The following XIRP2 variants were observed in gnomAD, a reference collection of about 807,000 sequenced individuals.
The protein encoded by XIRP2 is xin actin-binding repeat-containing protein 2.
XIRP2 carries 236 observed loss-of-function variants against 277.0 expected under a neutral mutation model. The observed-to-expected ratio is 0.85, with a 90% CI of 0.77 to 0.95. The LOEUF (loss-of-function observed/expected upper bound fraction) is 0.95, where lower values mean the gene tolerates loss of function less well. Among genes scored for constraint, XIRP2 ranks in the 40% least tolerant of loss-of-function variants. The pLI, the probability that XIRP2 is intolerant of heterozygous loss-of-function variation, is 0.00. For synonymous variants in XIRP2, 1,490 were observed against 1,416.5 expected (o/e 1.05, Z -1.17); for missense variants, 4,640 against 4,157.5 (o/e 1.12, Z -3.19).
chr2:167,093,086 C>A (rs1334761011), intron 2 of XIRP2, among the ~76,000 whole-genome samples: 1 of 151,794 alleles, frequency 6.6e-6, no homozygotes, highest in Non-Finnish European at 1.5e-5. Flanking sequence ...TAACTTGTGC[C>A]AAAAGTTTCA....
intron 3 of XIRP2, among the ~76,000 whole-genome samples, chr2:167,163,584 C>A (rs1046574941): frequency 6.6e-6 from 1 of 152,128 alleles, no homozygotes; most frequent in Non-Finnish European, 1.5e-5. Context: ...TTATGCGCTG[C>A]AAATATTTCT....
intron 2 of XIRP2, among the ~76,000 whole-genome samples, chr2:166,976,033 G>T (rs1686709449): frequency 1.4e-5 from 2 of 139,102 alleles, no homozygotes; most frequent in South Asian, 4.8e-4. Flanking sequence ...CACTATTGTT[G>T]TAGACAAAGC....
intron 2 of XIRP2, among the ~76,000 whole-genome samples, chr2:167,016,816 T>C (rs1392330324): frequency 6.6e-6 from 1 of 151,908 alleles, no homozygotes; most frequent in East Asian, 1.9e-4. Flanking sequence ...CAAGCAAATT[T>C]TTACCAAGCT....
intron 2 of XIRP2, among the ~76,000 whole-genome samples, chr2:167,034,117 A>G (rs922647187): frequency 2.6e-5 from 4 of 152,192 alleles, no homozygotes; most frequent in African/African-American, 9.6e-5. Flanking sequence ...TAGAAACCAT[A>G]AAAAGTTAAA....
intron 3 of XIRP2, among the ~76,000 whole-genome samples, chr2:167,188,199 C>T (rs1693220221): frequency 6.6e-6 from 1 of 152,060 alleles, no homozygotes; most frequent in African/African-American, 2.4e-5. Flanking sequence ...GATATCATGC[C>T]CTATATACTG....
At chr2:166,892,365 CAG>C (rs1461461653) in intron 1 of XIRP2, among the ~76,000 whole-genome samples, 1 of 152,070 alleles carries the variant, frequency 6.6e-6, no homozygotes, top group Non-Finnish European at 1.5e-5. Flanking sequence ...TGTTGGGAAA[CAG>C]AGCAGGTAGA....
In XIRP2 at chr2:167,021,574, T is replaced by G. The variant is rs550331219; in HGVS notation, c.409-114335T>G. On this transcript the variant is annotated intron_variant, in intron 2 of 10. Coordinates refer to ENST00000409195, the MANE Select transcript of XIRP2 (RefSeq NM_152381.6). ...TTTCTTTAAAAGATTTACAGCTATCTGCAGTGGCTGATGTCTGGAATCCCA... is the reference window on the plus strand; with the variant it reads ...TTTCTTTAAAAGATTTACAGCTATCGGCAGTGGCTGATGTCTGGAATCCCA... 2.0e-4 allele frequency among the ~76,000 whole-genome samples: 30 copies of G among 152,180 alleles called. No individual in the cohort carries two copies. The South Asian group carries it at 2.5e-3, about 13-fold the overall frequency.
chr2:166,963,000 G>C (rs1686336738), intron 2 of XIRP2, among the ~76,000 whole-genome samples: 1 of 151,540 alleles, frequency 6.6e-6, no homozygotes, highest in Non-Finnish European at 1.5e-5. Flanking sequence ...ATAGCTAGGA[G>C]GAGGATATTG....
intron 5 of XIRP2, among the ~76,000 whole-genome samples, chr2:167,220,389 T>C (rs1362758730): frequency 6.6e-6 from 1 of 152,162 alleles, no homozygotes; most frequent in African/African-American, 2.4e-5. Flanking sequence ...ATAAAGTCAA[T>C]AGTATGACAG....
At chr2:167,005,654 G>A (rs968470652) in intron 2 of XIRP2, among the ~76,000 whole-genome samples, 2 of 151,732 alleles carry the variant, frequency 1.3e-5, no homozygotes, top group African/African-American at 4.8e-5. Context: ...AAGAAGTTAT[G>A]TAACTGTTAT....
chr2:166,913,464 C>T (rs1351428774), intron 2 of XIRP2, among the ~76,000 whole-genome samples: 1 of 152,062 alleles, frequency 6.6e-6, no homozygotes, highest in Non-Finnish European at 1.5e-5. Flanking sequence ...GCAGAAATCA[C>T]CCATCTTCTG....
chr2:166,944,602 AACTT>A (rs1439507483), intron 2 of XIRP2, among the ~76,000 whole-genome samples: 2 of 152,240 alleles, frequency 1.3e-5, no homozygotes. Context: ...AACTCAATCT[AACTT>A]AAGAAAAACA....
At chr2:166,945,313 A>G (rs1685827928) in intron 2 of XIRP2, among the ~76,000 whole-genome samples, 1 of 152,152 alleles carries the variant, frequency 6.6e-6, no homozygotes, top group South Asian at 2.1e-4. Flanking sequence ...ATGTTAAAGC[A>G]TAAAAATAGG....
At chr2:167,222,406 T>C (rs768191038) in intron 5 of XIRP2, among the ~76,000 whole-genome samples, 3 of 152,186 alleles carry the variant, frequency 2.0e-5, no homozygotes, top group African/African-American at 4.8e-5. Context: ...TGGGGAACCT[T>C]TATTAGGTTG....
intron 3 of XIRP2, among the ~76,000 whole-genome samples, chr2:167,198,631 A>G (rs1693588422): frequency 6.6e-6 from 1 of 152,226 alleles, no homozygotes; most frequent in South Asian, 2.1e-4. Flanking sequence ...TGAAGTAATT[A>G]AAGGCCACAT....
At chr2:167,105,559 G>C (rs1690595853) in intron 2 of XIRP2, among the ~76,000 whole-genome samples, 1 of 151,870 alleles carries the variant, frequency 6.6e-6, no homozygotes, top group African/African-American at 2.4e-5. Context: ...ACTCCTTGAA[G>C]AGTATGTGTG....
chr2:167,195,685 CA>C (rs1039045592), intron 3 of XIRP2, among the ~76,000 whole-genome samples: 4 of 151,864 alleles, frequency 2.6e-5, no homozygotes, highest in African/African-American at 9.7e-5. Context: ...GAAGAGGAAG[CA>C]AAAAAATCAC....
In XIRP2 at chr2:167,250,071, G is replaced by T. The variant is rs892525662; in HGVS notation, c.8679G>T (p.Leu2893=). Residue 2893 remains leucine (L), a synonymous_variant, in exon 9 of 11, where the codon CTG becomes CTT. Coordinates refer to ENST00000409195, the MANE Select transcript of XIRP2 (RefSeq NM_152381.6). ...HKKLPQPYNS[L]QEEKCLEVKG... ...AATTGCCCCAGCCATATAATAGTCT[G>T]CAGGAAGAAAAATGTCTCGAAGTCA... 6.2e-7 allele frequency: 1 copy of T among 1,613,572 alleles called. No individual in the cohort carries two copies. Among genetic ancestry groups the T allele is most frequent in the Non-Finnish European group, 8.5e-7 (1 of 1,179,686 alleles).
intron 5 of XIRP2, among the ~76,000 whole-genome samples, chr2:167,222,511 C>A (rs1032535540): frequency 2.6e-5 from 4 of 152,108 alleles, no homozygotes; most frequent in Non-Finnish European, 4.4e-5. Context: ...TAAATTAAAC[C>A]CAACCCTCTT....
Sources: gnomAD v4.1 joint callset for allele counts (sites outside exome capture counted in the v4.1 genomes callset) on GRCh38, gnomAD v4.1.1 for gene constraint, MANE v1.5 for transcripts, NCBI Gene and HGNC (gene_info 2026-07-23, HGNC 2026-07-21) for gene names.